RSBN1L: variants seen among roughly 807,000 people sequenced by gnomAD.
RSBN1L encodes lysine-specific demethylase RSBN1L.
A neutral mutation model predicts 67.7 loss-of-function variants in RSBN1L; 30 were observed. That is an observed-to-expected ratio of 0.44 (90% CI 0.33 to 0.60). RSBN1L has a LOEUF of 0.60. Ranked by LOEUF, RSBN1L falls within the 20% of genes least tolerant of loss-of-function variation. The probability of loss-of-function intolerance (pLI) is 0.02; values close to 1 mark genes in which losing one functional copy is unlikely to be tolerated. For synonymous variants in RSBN1L, 433 were observed against 387.0 expected, an observed-to-expected ratio of 1.12 and a Z score of -1.39; for missense variants, 992 against 1,031.7, an observed-to-expected ratio of 0.96 and a Z score of 0.53.
chr7:77,771,901 A>C (rs1310949480), intron 5 of RSBN1L, among the ~76,000 whole-genome samples: 1 of 152,100 alleles, frequency 6.6e-6, no homozygotes, highest in Non-Finnish European at 1.5e-5. Context: ...AATACAGATA[A>C]ATACAAACTT....
At chr7:77,748,275 T>A (rs1791509858) in intron 2 of RSBN1L, among the ~76,000 whole-genome samples, 1 of 152,166 alleles carries the variant, frequency 6.6e-6, no homozygotes, top group South Asian at 2.1e-4. Flanking sequence ...GACAGTGGCA[T>A]CAAGGAATTC....
At chr7:77,765,348 G>A (rs917067284) in intron 3 of RSBN1L, 147 bp from the exon 4 acceptor site, 7 of 612,812 alleles carry the variant, frequency 1.1e-5, no homozygotes, top group Non-Finnish European at 1.8e-5. Context: ...TGTTTTGCTT[G>A]CCTCATTATG....
intron 2 of RSBN1L, among the ~76,000 whole-genome samples, chr7:77,747,049 C>G (rs1161961558): frequency 6.6e-6 from 1 of 152,142 alleles, no homozygotes; most frequent in Non-Finnish European, 1.5e-5. Flanking sequence ...TTTGGTGGAT[C>G]TACCATTCTG....
chr7:77,762,992 G>A (rs1002987641), intron 3 of RSBN1L, among the ~76,000 whole-genome samples: 6 of 152,050 alleles, frequency 3.9e-5, no homozygotes, highest in African/African-American at 1.4e-4. Context: ...ATCATTGTTG[G>A]TACTGTGATG....
rs560630850 is a variant in RSBN1L at position 77,763,376 on chromosome 7, C to T, written c.1345-2119C>T. The stretch of plus-strand genomic sequence containing the variant: ...CACTTTCTAAATGGTTATCGTCTCT[C>T]AAAACCCCTTATGGTCATTTGCAGA... On this transcript the variant is annotated intron_variant, in intron 3 of 7. Coordinates refer to ENST00000334955, the MANE Select transcript of RSBN1L (RefSeq NM_198467.3). Among the ~76,000 whole-genome samples the T allele has an allele frequency of 1.6e-3, 243 of 152,236 alleles. 1 individual carries two copies. The highest frequency in any genetic ancestry group is 1.1e-3 in the Non-Finnish European group (78 of 68,022).
In RSBN1L at chr7:77,696,487, C is replaced by G. The variant is rs1411086385; in HGVS notation, c.18C>G (p.Ser6Arg). The stretch of plus-strand genomic sequence containing the variant: ...AGCGCAAAATGGCGGAACCGCCGAG[C>G]CCCGTGCACTGTGTCGCTGCCGCGG... MAEPPSPVHCVAAAAP... is the reference protein window; with the variant it reads MAEPPRPVHCVAAAAP... Residue 6 changes from serine to arginine, a missense_variant, in exon 1 of 8, where the codon AGC (serine) becomes AGG (arginine). Ser to Arg is a moderately radical substitution (Grantham distance 110). Coordinates refer to ENST00000334955, the MANE Select transcript of RSBN1L (RefSeq NM_198467.3). The G allele has an allele frequency of 1.2e-6, 2 of 1,610,780 alleles. No homozygotes were observed. Among genetic ancestry groups the G allele is most frequent in the Admixed American group, 1.7e-5 (1 of 59,602 alleles).
intron 1 of RSBN1L, among the ~76,000 whole-genome samples, chr7:77,707,970 T>G (rs937179810): frequency 2.0e-5 from 3 of 152,210 alleles, no homozygotes; most frequent in African/African-American, 2.4e-5. Context: ...AAATACTGTA[T>G]GGAAGTTCAG....
chr7:77,766,635 A>G (rs1230570860), intron 4 of RSBN1L, among the ~76,000 whole-genome samples: 1 of 151,966 alleles, frequency 6.6e-6, no homozygotes, highest in East Asian at 1.9e-4. Flanking sequence ...TAATTATTTA[A>G]TCAGTAACTC....
At chr7:77,718,281 C>G (rs769122948) in intron 1 of RSBN1L, among the ~76,000 whole-genome samples, 2 of 152,140 alleles carry the variant, frequency 1.3e-5, no homozygotes, top group African/African-American at 2.4e-5. Flanking sequence ...CCCTTCACTT[C>G]TTGATTTTAA....
intron 1 of RSBN1L, among the ~76,000 whole-genome samples, chr7:77,732,396 C>T (rs1487383293): frequency 6.6e-6 from 1 of 151,960 alleles, no homozygotes; most frequent in Non-Finnish European, 1.5e-5. Context: ...GCAGTGGCGC[C>T]ATCTTAGTTC....
intron 2 of RSBN1L, among the ~76,000 whole-genome samples, chr7:77,740,616 A>C (rs1457556521): frequency 6.6e-6 from 1 of 152,240 alleles, no homozygotes; most frequent in Non-Finnish European, 1.5e-5. Flanking sequence ...TATAAATTTT[A>C]TAAATTTTTC....
chr7:77,713,631 C>T (rs924376454), intron 1 of RSBN1L, among the ~76,000 whole-genome samples: 1 of 151,632 alleles, frequency 6.6e-6, no homozygotes, highest in African/African-American at 2.4e-5. Flanking sequence ...GCTGGGATTA[C>T]AGGCGTGAGC....
At chr7:77,702,992 G>C (rs959003756) in intron 1 of RSBN1L, among the ~76,000 whole-genome samples, 1 of 152,168 alleles carries the variant, frequency 6.6e-6, no homozygotes, top group Non-Finnish European at 1.5e-5. Context: ...TTCAACATAT[G>C]GATTTTGGGG....
chr7:77,697,396 G>A, intron 1 of RSBN1L: 1 of 233,142 alleles, frequency 4.3e-6, no homozygotes, highest in Non-Finnish European at 8.3e-6. Context: ...TGGGGGAAGG[G>A]TTTGGTTTTG....
intron 1 of RSBN1L, among the ~76,000 whole-genome samples, chr7:77,714,142 C>CA (rs1562795185): frequency 1.3e-5 from 2 of 152,196 alleles, no homozygotes; most frequent in East Asian, 3.8e-4. Context: ...CCTCATTACT[C>CA]TATCTTTAGG....
chr7:77,755,622 G>A lies in RSBN1L; in HGVS notation c.1344+5558G>A, dbSNP rs1056827715. Among the ~76,000 whole-genome samples the A allele has an allele frequency of 2.0e-5, 3 of 152,088 alleles. No individual in the cohort carries two copies. The South Asian group carries it at 6.2e-4, about 32-fold the overall frequency. On this transcript the variant is annotated intron_variant, in intron 3 of 7. Coordinates refer to ENST00000334955, the MANE Select transcript of RSBN1L (RefSeq NM_198467.3). ...GCGGAGGTTGCAGTGAACCGAGATC[G>A]CGCCATTGCACTCTAGCTTGGGTGA...
intron 1 of RSBN1L, among the ~76,000 whole-genome samples, chr7:77,716,467 T>TC (rs1448881963): frequency 6.6e-6 from 1 of 150,946 alleles, no homozygotes; most frequent in African/African-American, 2.4e-5. Flanking sequence ...TTTTTTTTTT[T>TC]TTCACCATTT....
intron 6 of RSBN1L, among the ~76,000 whole-genome samples, chr7:77,775,945 C>G (rs1024497462): frequency 1.3e-5 from 2 of 151,602 alleles, no homozygotes; most frequent in Admixed American, 1.3e-4. Context: ...AATCCCAGCT[C>G]CTCGCTAGGC....
chr7:77,738,055 T>C (rs1485010613), intron 2 of RSBN1L, among the ~76,000 whole-genome samples: 1 of 151,850 alleles, frequency 6.6e-6, no homozygotes, highest in Non-Finnish European at 1.5e-5. Context: ...AAGTCAAGTC[T>C]ACTTAACTTT....
Sources: gnomAD v4.1 joint callset for allele counts (sites outside exome capture counted in the v4.1 genomes callset) on GRCh38, gnomAD v4.1.1 for gene constraint, MANE v1.5 for transcripts, NCBI Gene and HGNC (gene_info 2026-07-23, HGNC 2026-07-21) for gene names.